Variants in WRN observed in about 807,000 individuals in gnomAD.
WRN encodes the protein WRN RecQ like helicase, also known as bifunctional 3'-5' exonuclease/ATP-dependent helicase WRN.
Under a neutral mutation model 180.7 loss-of-function variants are expected in WRN, and 149 were observed. That is an observed-to-expected ratio of 0.82 (90% CI 0.72 to 0.94). The LOEUF is 0.94. WRN is among the 40% of genes least tolerant of loss of function. The pLI is 0.00. For missense variants in WRN, 1,661 were observed against 1,700.1 expected (o/e 0.98, Z 0.40); for synonymous variants, 548 against 568.9 (o/e 0.96, Z 0.52).
At chr8:31,127,326 C>T (rs1284976694) in intron 23 of WRN, among the ~76,000 whole-genome samples, 1 of 152,042 alleles carries the variant, frequency 6.6e-6, no homozygotes, top group Non-Finnish European at 1.5e-5. Flanking sequence ...ATTTATCGTG[C>T]CCTGATTGTG....
chr8:31,076,476 T>C (rs1386204513), intron 8 of WRN, among the ~76,000 whole-genome samples, 189 bp downstream of exon 8: 1 of 152,182 alleles, frequency 6.6e-6, no homozygotes, highest in Non-Finnish European at 1.5e-5. Context: ...TCCAAAGGTT[T>C]AAGCCTTTTC....
intron 31 of WRN, among the ~76,000 whole-genome samples, chr8:31,153,661 AATT>A (rs1231813777): frequency 6.6e-6 from 1 of 152,200 alleles, no homozygotes; most frequent in Non-Finnish European, 1.5e-5. Flanking sequence ...TGGGTCAGAT[AATT>A]GAAACATTAG....
At chr8:31,070,088 C>T (rs1812849431) in intron 7 of WRN, among the ~76,000 whole-genome samples, 1 of 151,612 alleles carries the variant, frequency 6.6e-6, no homozygotes, top group African/African-American at 2.4e-5. Context: ...ATTGTGACAT[C>T]TTGACTCAGA....
At chr8:31,084,219 G>A (rs185059288) in intron 10 of WRN, among the ~76,000 whole-genome samples, 4 of 152,116 alleles carry the variant, frequency 2.6e-5, no homozygotes, top group Admixed American at 6.6e-5. Flanking sequence ...TGCTGGTCTC[G>A]AACTCTTTAC....
intron 18 of WRN, among the ~76,000 whole-genome samples, chr8:31,105,506 G>T (rs1801062426): frequency 6.6e-6 from 1 of 152,086 alleles, no homozygotes; most frequent in African/African-American, 2.4e-5. Flanking sequence ...TTGTTGCCCA[G>T]GCTGGAGTGC....
At chr8:31,053,092 T>A (rs1017844380) in intron 1 of WRN, among the ~76,000 whole-genome samples, 3 of 152,194 alleles carry the variant, frequency 2.0e-5, no homozygotes, top group African/African-American at 7.2e-5. Flanking sequence ...CATAAACATT[T>A]GTAACGATCC....
At chr8:31,158,063 T>A (rs953502130) in intron 33 of WRN, among the ~76,000 whole-genome samples, 3 of 152,162 alleles carry the variant, frequency 2.0e-5, no homozygotes, top group Non-Finnish European at 4.4e-5. Flanking sequence ...CTTTTCAGCT[T>A]AAGGTTACAA....
intron 33 of WRN, among the ~76,000 whole-genome samples, chr8:31,163,361 C>G (rs1287490246): frequency 6.6e-6 from 1 of 152,188 alleles, no homozygotes; most frequent in African/African-American, 2.4e-5. Context: ...AGAAATGAAA[C>G]TGGAAATCAT....
chr8:31,154,598 T>A, intron 31 of WRN, 26 bp from the exon 32 acceptor site: 1 of 1,599,556 alleles, frequency 6.3e-7, no homozygotes, highest in Non-Finnish European at 8.5e-7. Context: ...TTACTGATCA[T>A]TTGTGCTACA....
chr8:31,056,732 T>G (rs1812290346), intron 1 of WRN, among the ~76,000 whole-genome samples: 1 of 152,028 alleles, frequency 6.6e-6, no homozygotes, highest in Non-Finnish European at 1.5e-5. Context: ...GGGACTCCTG[T>G]ATTATTAATT....
At chr8:31,131,589 A>T (rs938465565) in intron 23 of WRN, 1 of 152,772 alleles carries the variant, frequency 6.5e-6, no homozygotes, top group African/African-American at 2.4e-5. Flanking sequence ...CTTAAGCCTC[A>T]CTTCCAAATG....
At chr8:31,131,460 T>G (rs1037618885) in intron 23 of WRN, 1 of 152,146 alleles carries the variant, frequency 6.6e-6, no homozygotes, top group Non-Finnish European at 1.5e-5. Context: ...CTGGCCAAAT[T>G]GTAGCTTTCT....
chr8:31,120,303 A>G lies in WRN; in HGVS notation c.2509A>G (p.Ile837Val), dbSNP rs762233119. ...TAATAAAGCTGACATTCGCCAAGTC[A>G]TTCATTACGGTGCTCCTAAGGACAT... The part of the protein sequence containing the change: ...GINKADIRQV[I>V]HYGAPKDMES... Residue 837 changes from isoleucine (I) to valine (V), a missense_variant, in exon 21 of 35, where the codon ATT becomes GTT. Ile to Val is a conservative substitution (Grantham distance 29). Around this residue, in one of 3 missense-constraint regions of WRN, gnomAD observed 1,141 missense variants for 1,149.4 expected, o/e 0.99. Transcript: ENST00000298139. 3 of 1,613,010 alleles carry G rather than the reference A, an allele frequency of 1.9e-6. No individual in the cohort carries two copies. Among genetic ancestry groups the G allele is most frequent in the Non-Finnish European group, 1.7e-6 (2 of 1,179,230 alleles).
At chr8:31,159,545 A>G (rs986235276) in intron 33 of WRN, among the ~76,000 whole-genome samples, 1 of 152,164 alleles carries the variant, frequency 6.6e-6, no homozygotes, top group African/African-American at 2.4e-5. Context: ...TAAAAAAATT[A>G]TAATAAAATC....
At chr8:31,093,554 C>T (rs1459631318) in intron 16 of WRN, among the ~76,000 whole-genome samples, 1 of 152,104 alleles carries the variant, frequency 6.6e-6, no homozygotes. Flanking sequence ...CTATACACAT[C>T]CTTATAAAAA....
At chr8:31,127,734 G>A (rs1225080374) in intron 23 of WRN, among the ~76,000 whole-genome samples, 2 of 151,868 alleles carry the variant, frequency 1.3e-5, no homozygotes, top group African/African-American at 4.8e-5. Context: ...GCAAAAAACC[G>A]AGACTGTGTC....
chr8:31,081,401 C>A, intron 9 of WRN, 105 bp downstream of exon 9: 2 of 1,226,758 alleles, frequency 1.6e-6, no homozygotes, highest in Non-Finnish European at 2.3e-6. Flanking sequence ...GTGGGACATA[C>A]AGTCTCTGTT....
At chr8:31,099,617 G>A (rs1246656758) in intron 17 of WRN, among the ~76,000 whole-genome samples, 1 of 149,370 alleles carries the variant, frequency 6.7e-6, no homozygotes, top group Non-Finnish European at 1.5e-5. Context: ...GACTGTTGTA[G>A]CTTGTAATGT....
At chr8:31,125,537 GATATATATAT>G (rs71206299) in intron 23 of WRN, among the ~76,000 whole-genome samples, 2,257 of 63,760 alleles carry the variant, frequency 0.035, 248 homozygotes, top group African/African-American at 0.12. Context: ...ATATTATGGA[GATATATATAT>G]ATATATATAT....
Sources: gnomAD v4.1 joint callset for allele counts (sites outside exome capture counted in the v4.1 genomes callset) on GRCh38, gnomAD v4.1.1 for gene constraint, gnomAD v4.1.1 regional missense constraint, MANE v1.5 for transcripts, NCBI Gene and HGNC (gene_info 2026-07-23, HGNC 2026-07-21) for gene names.